PFKFB2: variants seen among roughly 807,000 people sequenced by gnomAD.
PFKFB2 encodes the protein 6-phosphofructo-2-kinase/fructose-2,6-biphosphatase 2.
Under a neutral mutation model 68.0 loss-of-function variants are expected in PFKFB2, and 53 were observed. The ratio of observed to expected loss-of-function variants is 0.78; its 90% CI spans 0.63 to 0.98. PFKFB2 has a LOEUF of 0.98. Ranked by LOEUF, PFKFB2 falls within the 50% of genes least tolerant of loss-of-function variation. PFKFB2 has a pLI of 0.00. For missense variants in PFKFB2, 451 were observed against 642.0 expected, an observed-to-expected ratio of 0.70 and a Z score of 3.22; for synonymous variants, 222 against 227.6, an observed-to-expected ratio of 0.98 and a Z score of 0.22.
At chr1:207,052,603 G>C (rs1682783552), upstream of PFKFB2, among the ~76,000 whole-genome samples, 1 of 152,210 alleles carries the variant, frequency 6.6e-6, no homozygotes, top group Non-Finnish European at 1.5e-5. Context: ...GCGGTGCCAA[G>C]GTCGTGCCAT....
At chr1:207,038,317 T>C (rs1273143475) in intron 1 of PFKFB2, among the ~76,000 whole-genome samples, 1 of 152,198 alleles carries the variant, frequency 6.6e-6, no homozygotes, top group East Asian at 1.9e-4. Flanking sequence ...GTTTACAAAG[T>C]AATTATGAGC....
chr1:207,037,706 C>T (rs553114170), intron 1 of PFKFB2, among the ~76,000 whole-genome samples: 17 of 152,340 alleles, frequency 1.1e-4, no homozygotes, highest in Admixed American at 9.2e-4. Flanking sequence ...TATTATTCCA[C>T]ATCACCAATT....
At chr1:207,047,667 A>C (rs1682631258) in intron 2 of PFKFB2, 1 of 152,684 alleles carries the variant, frequency 6.5e-6, no homozygotes, top group African/African-American at 2.4e-5. Context: ...CTTGTAGTGA[A>C]GCTAAGTTTT....
Position 207,075,424 on chromosome 1 carries a change from C to T in PFKFB2, c.*3053C>T. On this transcript the variant is annotated 3_prime_UTR_variant, in exon 15 of 15. Transcript: ENST00000367080. ...CAGGAGAATGTAGAATGGAAAAGAG[C>T]TCTTACTCCAAATTTTAGAGAAGTT... 2.0e-6 allele frequency: 2 copies of T among 985,338 alleles called. No homozygotes were observed. The highest frequency in any genetic ancestry group is 2.4e-6 in the Non-Finnish European group (2 of 829,852). 61.0% of individuals were successfully genotyped at this position (985,338 alleles called of 1,614,324 possible).
At chr1:207,050,646 AT>A, upstream of PFKFB2, 1 of 1,604,200 alleles carries the variant, frequency 6.2e-7, no homozygotes, top group East Asian at 2.2e-5. Context: ...GCCCCTCTCC[AT>A]CCTCCCGGGA....
chr1:207,061,966 C>T lies in PFKFB2; in HGVS notation c.99C>T (p.Tyr33=). 6.2e-7 allele frequency: 1 copy of T among 1,614,162 alleles called. No individual in the cohort carries two copies. Among genetic ancestry groups the T allele is most frequent in the South Asian group, 1.1e-5 (1 of 91,088 alleles). ...MSEKKCSWAS[Y]MTNSPTLIVM... ...ATTTCCTTCTAGCATGGGCCTCCTA[C>T]ATGACCAACTCCCCGACTCTGATCG... is the stretch of plus-strand genomic sequence containing the variant. Residue 33 remains tyrosine, a synonymous_variant, in exon 3 of 15, where the codon TAC becomes TAT. Transcript: ENST00000367080.
chr1:207,039,838 G>A (rs1218316874), intron 1 of PFKFB2, among the ~76,000 whole-genome samples: 1 of 152,218 alleles, frequency 6.6e-6, no homozygotes, highest in Non-Finnish European at 1.5e-5. Context: ...GGTGAGGATA[G>A]GTCTGGTGTG....
chr1:207,075,294 TATCCTC>T lies in PFKFB2; in HGVS notation c.*2925_*2930del. The T allele has an allele frequency of 1.0e-6, 1 of 985,426 alleles. No homozygotes were observed. Among genetic ancestry groups the T allele is most frequent in the Non-Finnish European group, 1.2e-6 (1 of 829,908 alleles). The allele number at this position is 985,426 out of a possible 1,614,324, so 61.0% of individuals were successfully genotyped here. On this transcript the variant is annotated 3_prime_UTR_variant, in exon 15 of 15. Coordinates refer to ENST00000367080, the MANE Select transcript of PFKFB2 (RefSeq NM_006212.2). ...TCCAGAAGAGGAGCTGAGGTGGTCT[TATCCTC>T]AGATAGGACATGAGAAATTGGAATT...
At chr1:207,058,257 T>C (rs1433406308) in intron 2 of PFKFB2, among the ~76,000 whole-genome samples, 2 of 152,368 alleles carry the variant, frequency 1.3e-5, no homozygotes, top group South Asian at 4.1e-4. Context: ...TAATGAAACA[T>C]GCTTTATGGG....
downstream of PFKFB2, chr1:207,078,841 G>A (rs1683695342): frequency 2.5e-6 from 2 of 816,164 alleles, no homozygotes; most frequent in Non-Finnish European, 4.2e-6. Context: ...ATGGATGTGG[G>A]GATGGGGAGG....
At chr1:207,044,971 A>G (rs1682559947) in intron 2 of PFKFB2, 2 of 152,518 alleles carry the variant, frequency 1.3e-5, no homozygotes, top group Non-Finnish European at 2.9e-5. Context: ...TTTGAGAAAA[A>G]TAAACACTCT....
upstream of PFKFB2, chr1:207,052,253 G>T: frequency 6.2e-7 from 1 of 1,610,114 alleles, no homozygotes; most frequent in South Asian, 1.1e-5. Flanking sequence ...CATCTTTCAT[G>T]ACTCAATTTT....
chr1:207,062,691 A>C lies in PFKFB2; in HGVS notation c.283A>C (p.Asn95His). 2 of 1,614,124 alleles carry C rather than the reference A, an allele frequency of 1.2e-6. No individual in the cohort carries two copies. The highest frequency in any genetic ancestry group is 1.7e-6 in the Non-Finnish European group (2 of 1,180,010). ...YKSYDFFRHD[N>H]EEAMKIRKQC... is the part of the protein sequence containing the mutation. Reference sequence around the variant, plus strand: ...GTCCTACGACTTCTTTCGGCATGACAATGAGGAGGCCATGAAGATCCGCAA... The same window carrying C: ...GTCCTACGACTTCTTTCGGCATGACCATGAGGAGGCCATGAAGATCCGCAA... Residue 95 changes from asparagine (N) to histidine (H), a missense_variant, in exon 4 of 15, where the codon AAT (asparagine) becomes CAT (histidine). Physicochemically the swap from Asn to His is moderately conservative, Grantham distance 68. Coordinates refer to ENST00000367080, the MANE Select transcript of PFKFB2 (RefSeq NM_006212.2).
chr1:207,072,721 A>G lies in PFKFB2; in HGVS notation c.*350A>G, dbSNP rs11120138. The stretch of plus-strand genomic sequence containing the variant: ...CTTCTCTCTGTTCCCTGGTGTCTTC[A>G]CTAATGTCCTCATGTTGGTGAAGTG... On this transcript the variant is annotated 3_prime_UTR_variant, in exon 15 of 15. Transcript: ENST00000367080. 3.5e-3 allele frequency: 3,606 copies of G among 1,038,848 alleles called. 83 individuals carry two copies. In the African/African-American group the frequency reaches 0.057, roughly 17 times the overall value. 64.4% of individuals were successfully genotyped at this position (1,038,848 alleles called of 1,614,324 possible).
chr1:207,068,703 T>C (rs1683376713), intron 10 of PFKFB2, among the ~76,000 whole-genome samples: 1 of 152,172 alleles, frequency 6.6e-6, no homozygotes, highest in Non-Finnish European at 1.5e-5. Context: ...TTCCCAAAAT[T>C]TCTCTTGGCT....
Position 207,070,285 on chromosome 1 carries a change from C to T in PFKFB2, c.1098C>T (p.Tyr366=). 1 of 1,613,232 alleles carries T rather than the reference C, an allele frequency of 6.2e-7. No homozygotes were observed. Among genetic ancestry groups the T allele is most frequent in the Non-Finnish European group, 8.5e-7 (1 of 1,179,938 alleles). The change falls in exon 12 of 15, where the codon TAC becomes TAT. Residue 366 remains tyrosine, a synonymous_variant. Transcript: ENST00000367080. The surrounding 1 kb of genome is among the most constrained non-coding windows in gnomAD (Gnocchi z 4.2). ...TGCCCCATTTCCCTCCACAGTCATA[C>T]CAGGACCTGGTGCAGCGGCTGGAGC... ...YLYRYPGGES[Y]QDLVQRLEPV... is the part of the protein sequence containing the mutation.
chr1:207,054,149 G>A (rs1215149634), intron 1 of PFKFB2, among the ~76,000 whole-genome samples: 2 of 151,962 alleles, frequency 1.3e-5, no homozygotes, highest in South Asian at 2.1e-4. Flanking sequence ...TGATCCGCCC[G>A]CCTCAGCCTC....
In PFKFB2 at chr1:207,075,290, G is replaced by A; in HGVS notation, c.*2919G>A. 1.0e-6 allele frequency: 1 copy of A among 985,370 alleles called. No homozygotes were observed. The highest frequency in any genetic ancestry group is 1.2e-6 in the Non-Finnish European group (1 of 829,882). 61.0% of individuals were successfully genotyped at this position (985,370 alleles called of 1,614,324 possible). On this transcript the variant is annotated 3_prime_UTR_variant, in exon 15 of 15. Transcript: ENST00000367080. ...TTTCTCCAGAAGAGGAGCTGAGGTG[G>A]TCTTATCCTCAGATAGGACATGAGA...
chr1:207,069,832 A>G (rs1198774848), intron 11 of PFKFB2, among the ~76,000 whole-genome samples: 1 of 152,210 alleles, frequency 6.6e-6, no homozygotes, highest in East Asian at 1.9e-4. Context: ...GGAGTCACCA[A>G]GTAAATATAT....
Sources: gnomAD v4.1 joint callset for allele counts (sites outside exome capture counted in the v4.1 genomes callset) on GRCh38, gnomAD v4.1.1 for gene constraint, Gnocchi (gnomAD v3.1) non-coding constraint, MANE v1.5 for transcripts, NCBI Gene and HGNC (gene_info 2026-07-23, HGNC 2026-07-21) for gene names.